The following PTPRD variants were observed in gnomAD, a reference collection of about 807,000 sequenced individuals.
PTPRD encodes the protein receptor-type tyrosine-protein phosphatase delta.
Under a neutral mutation model 214.5 loss-of-function variants are expected in PTPRD, and 34 were observed. The ratio of observed to expected loss-of-function variants is 0.16; its 90% CI spans 0.12 to 0.21. PTPRD has a LOEUF of 0.21. Among genes scored for constraint, PTPRD ranks in the 10% least tolerant of loss-of-function variants. The pLI is 1.00. For missense variants in PTPRD, 2,545 were observed against 2,398.7 expected (o/e 1.06, Z -1.27); for synonymous variants, 1,128 against 845.7 (o/e 1.33, Z -5.79).
At chr9:10,382,090 C>T (rs1448488256) in intron 2 of PTPRD, among the ~76,000 whole-genome samples, 1 of 151,818 alleles carries the variant, frequency 6.6e-6, no homozygotes, top group African/African-American at 2.4e-5. Context: ...ACTGTCATTG[C>T]TATTTCCAAA....
intron 7 of PTPRD, among the ~76,000 whole-genome samples, chr9:9,648,947 A>T (rs1343801383): frequency 1.3e-5 from 2 of 152,084 alleles, no homozygotes. Flanking sequence ...GCAGCAGAAA[A>T]ACCGGCTCAC....
Position 8,846,759 on chromosome 9 carries a change from A to G in PTPRD, c.-103-112813T>C, listed in dbSNP as rs1344144877. 2.6e-5 allele frequency among the ~76,000 whole-genome samples: 4 copies of G among 152,312 alleles called. No individual in the cohort carries two copies. In the East Asian group the frequency reaches 5.8e-4, roughly 22 times the overall value. ...GGAAGGAGTGGGGAAGAGAAAATGA[A>G]TATGAGTATGGCAAGGTGGCAAGAG... On this transcript the variant is annotated intron_variant, in intron 11 of 45. Transcript: ENST00000381196.
intron 8 of PTPRD, among the ~76,000 whole-genome samples, chr9:9,536,880 T>A (rs1002201467): frequency 6.6e-6 from 1 of 152,026 alleles, no homozygotes; most frequent in African/African-American, 2.4e-5. Flanking sequence ...AAGTTTGGCA[T>A]ATCCTTTTCA....
intron 9 of PTPRD, among the ~76,000 whole-genome samples, chr9:9,290,310 G>T (rs1379707858): frequency 6.6e-6 from 1 of 151,550 alleles, no homozygotes; most frequent in African/African-American, 2.4e-5. Context: ...TAGATTATTT[G>T]CTTCTTTGCT....
At chr9:8,521,967 A>C (rs2097900679) in intron 19 of PTPRD, among the ~76,000 whole-genome samples, 1 of 152,146 alleles carries the variant, frequency 6.6e-6, no homozygotes, top group Non-Finnish European at 1.5e-5. Flanking sequence ...ATCAAAACCA[A>C]CTTCAGTGCT....
At chr9:9,934,948 G>C (rs972628187) in intron 5 of PTPRD, among the ~76,000 whole-genome samples, 1 of 152,050 alleles carries the variant, frequency 6.6e-6, no homozygotes, top group Admixed American at 6.6e-5. Context: ...ATATAATCCA[G>C]CATATAAACA....
At chr9:8,670,109 A>T (rs1258001637) in intron 12 of PTPRD, among the ~76,000 whole-genome samples, 2 of 152,052 alleles carry the variant, frequency 1.3e-5, no homozygotes, top group Non-Finnish European at 2.9e-5. Flanking sequence ...TCACTCTTTG[A>T]ACCCATGGTT....
chr9:9,858,694 T>C (rs1268721107), intron 5 of PTPRD, among the ~76,000 whole-genome samples: 1 of 152,022 alleles, frequency 6.6e-6, no homozygotes, highest in Admixed American at 6.6e-5. Context: ...AAGAATGATA[T>C]AATGAAAAAT....
intron 12 of PTPRD, among the ~76,000 whole-genome samples, chr9:8,727,737 C>T (rs563845257): frequency 1.4e-4 from 21 of 152,180 alleles, no homozygotes; most frequent in African/African-American, 5.1e-4. Context: ...GTCACTATGG[C>T]CTTAAACTGG....
At chr9:10,588,894 T>C (rs527244269) in intron 2 of PTPRD, among the ~76,000 whole-genome samples, 1 of 152,224 alleles carries the variant, frequency 6.6e-6, no homozygotes, top group South Asian at 2.1e-4. Flanking sequence ...GTATCTAATA[T>C]ATTTTTTCTT....
intron 10 of PTPRD, among the ~76,000 whole-genome samples, chr9:9,028,942 T>C (rs2026944): frequency 0.16 from 24,081 of 151,724 alleles, 1,957 homozygotes; most frequent in East Asian, 0.19. Context: ...ATGGGGGGCA[T>C]AGAGTATTTT....
chr9:10,415,642 TAG>T (rs1183895119), intron 2 of PTPRD, among the ~76,000 whole-genome samples: 1 of 151,876 alleles, frequency 6.6e-6, no homozygotes, highest in African/African-American at 2.4e-5. Context: ...GTGGTTTTGA[TAG>T]AGAGACGTGA....
chr9:10,545,193 C>T (rs2059931964), intron 2 of PTPRD, among the ~76,000 whole-genome samples: 1 of 152,118 alleles, frequency 6.6e-6, no homozygotes, highest in Non-Finnish European at 1.5e-5. Flanking sequence ...GGCACCTGTT[C>T]AGAAGCTGCA....
chr9:8,920,292 G>A (rs1259883943), intron 11 of PTPRD, among the ~76,000 whole-genome samples: 2 of 151,948 alleles, frequency 1.3e-5, no homozygotes, highest in Admixed American at 6.5e-5. Context: ...AGTGAGCCAA[G>A]ATTGCACCAC....
At chr9:9,731,418 A>C (rs1433516220) in intron 7 of PTPRD, among the ~76,000 whole-genome samples, 1 of 151,846 alleles carries the variant, frequency 6.6e-6, no homozygotes, top group Non-Finnish European at 1.5e-5. Context: ...TTTTCTTTCA[A>C]AATGATAACT....
intron 9 of PTPRD, among the ~76,000 whole-genome samples, chr9:9,255,514 C>T (rs1300145726): frequency 1.3e-5 from 2 of 151,954 alleles, no homozygotes; most frequent in East Asian, 1.9e-4. Context: ...TCTCACGATG[C>T]AATTCTAACA....
intron 2 of PTPRD, among the ~76,000 whole-genome samples, chr9:10,432,350 T>C (rs1333464602): frequency 6.7e-6 from 1 of 150,222 alleles, no homozygotes; most frequent in Non-Finnish European, 1.5e-5. Context: ...GACGATTTAG[T>C]GGGTGCAGCG....
intron 2 of PTPRD, among the ~76,000 whole-genome samples, chr9:10,553,707 A>T (rs1031895050): frequency 7.9e-5 from 12 of 152,188 alleles, no homozygotes; most frequent in Admixed American, 3.3e-4. Flanking sequence ...ATATATATGT[A>T]TACACACATA....
chr9:10,568,932 T>A (rs2066541997), intron 2 of PTPRD, among the ~76,000 whole-genome samples: 1 of 151,994 alleles, frequency 6.6e-6, no homozygotes, highest in Admixed American at 6.6e-5. Flanking sequence ...GGGATCTAAT[T>A]AAACTAAAGA....
Sources: gnomAD v4.1 joint callset for allele counts (sites outside exome capture counted in the v4.1 genomes callset) on GRCh38, gnomAD v4.1.1 for gene constraint, MANE v1.5 for transcripts, NCBI Gene and HGNC (gene_info 2026-07-23, HGNC 2026-07-21) for gene names.